Variants in TEC observed in about 807,000 individuals in gnomAD.
TEC encodes the protein tec protein tyrosine kinase, also known as tyrosine-protein kinase Tec.
In TEC, 72 loss-of-function variants were observed where a neutral mutation model predicts 93.0. That is an observed-to-expected ratio of 0.77 (90% CI 0.64 to 0.94). The LOEUF (loss-of-function observed/expected upper bound fraction) is 0.94. Ranked by LOEUF, TEC falls within the 40% of genes least tolerant of loss-of-function variation. The probability of loss-of-function intolerance (pLI) is 0.00; values close to 1 mark genes in which losing one functional copy is unlikely to be tolerated. For synonymous variants in TEC, 249 were observed against 247.7 expected (o/e 1.01, Z -0.05); for missense variants, 630 against 757.9 (o/e 0.83, Z 1.98).
In TEC at chr4:48,145,409, T is replaced by C; in HGVS notation, c.1252A>G (p.Met418Val). Residue 418 changes from methionine to valine, a missense_variant and splice_region_variant, in exon 13 of 18, where the codon ATG becomes GTG. Met to Val is a conservative substitution (Grantham distance 21). This residue lies in a region of TEC where 289 missense variants were observed against 390.0 expected (regional missense o/e 0.74). Transcript: ENST00000381501. ...GCCAGAAAGATGATAGCAACTTACA[T>C]CATCACTTTAGCTTCTTCTATAAAG... ...EDFIEEAKVMMKLTHPKLVQL... is the reference protein window; with the variant it reads ...EDFIEEAKVMVKLTHPKLVQL... 6.2e-7 allele frequency: 1 copy of C among 1,614,100 alleles called. No homozygotes were observed. The highest frequency in any genetic ancestry group is 8.5e-7 in the Non-Finnish European group (1 of 1,180,002).
intron 1 of TEC, among the ~76,000 whole-genome samples, chr4:48,234,783 G>C (rs555878988): frequency 2.6e-5 from 4 of 152,234 alleles, no homozygotes; most frequent in Admixed American, 2.6e-4. Flanking sequence ...CTTTATGAAA[G>C]AGAGCTATTT....
chr4:48,168,005 C>T (rs752566837), intron 6 of TEC, 52 bp from the exon 7 acceptor site: 1 of 1,552,410 alleles, frequency 6.4e-7, no homozygotes, highest in Non-Finnish European at 8.9e-7. Context: ...TGAAACTGAT[C>T]ATGAATCAAA....
intron 10 of TEC, among the ~76,000 whole-genome samples, chr4:48,150,058 C>G (rs1488205408): frequency 6.6e-6 from 1 of 152,142 alleles, no homozygotes; most frequent in African/African-American, 2.4e-5. Flanking sequence ...ATAAATTAGA[C>G]TTTTAAATAT....
chr4:48,256,636 A>G (rs1364342226), intron 1 of TEC, among the ~76,000 whole-genome samples: 1 of 150,320 alleles, frequency 6.7e-6, no homozygotes, highest in African/African-American at 2.4e-5. Context: ...TGCATAAATT[A>G]GGAAAAAGTG....
At chr4:48,235,316 A>T (rs1171769636) in intron 1 of TEC, among the ~76,000 whole-genome samples, 11 of 152,278 alleles carry the variant, frequency 7.2e-5, no homozygotes, top group South Asian at 6.2e-4. Context: ...CTAGTACAGG[A>T]GCTCAGTCCA....
intron 1 of TEC, among the ~76,000 whole-genome samples, chr4:48,255,710 C>T (rs1010855128): frequency 2.0e-5 from 3 of 152,162 alleles, no homozygotes; most frequent in Non-Finnish European, 4.4e-5. Flanking sequence ...AAAATAGTAC[C>T]TACCTCCTAT....
chr4:48,223,215 A>G (rs1723323638), intron 2 of TEC, among the ~76,000 whole-genome samples: 1 of 152,256 alleles, frequency 6.6e-6, no homozygotes, highest in Admixed American at 6.5e-5. Context: ...TGGTAGATCC[A>G]GGACAAAAAC....
At chr4:48,215,511 A>C (rs1296887132) in intron 2 of TEC, among the ~76,000 whole-genome samples, 2 of 152,206 alleles carry the variant, frequency 1.3e-5, no homozygotes. Flanking sequence ...TGTCTCAAAA[A>C]AATAATTAAT....
chr4:48,240,017 G>A (rs1723883968), intron 1 of TEC, among the ~76,000 whole-genome samples: 1 of 150,292 alleles, frequency 6.7e-6, no homozygotes, highest in Non-Finnish European at 1.5e-5. Context: ...ATGGTATGGT[G>A]ATTATATTTT....
chr4:48,185,535 A>T (rs1721786449), intron 2 of TEC, among the ~76,000 whole-genome samples: 6 of 152,178 alleles, frequency 3.9e-5, no homozygotes, highest in Admixed American at 3.3e-4. Context: ...ATTACTTGGT[A>T]TCTCATTATT....
At chr4:48,187,108 A>T (rs1250313602) in intron 2 of TEC, among the ~76,000 whole-genome samples, 1 of 152,230 alleles carries the variant, frequency 6.6e-6, no homozygotes, top group Admixed American at 6.5e-5. Context: ...CTGCCTTGGG[A>T]TGCTGTTAAT....
At chr4:48,203,936 A>G (rs1343080555) in intron 2 of TEC, among the ~76,000 whole-genome samples, 6 of 152,232 alleles carry the variant, frequency 3.9e-5, no homozygotes, top group African/African-American at 1.4e-4. Flanking sequence ...GCAAGGAGCC[A>G]TTATTAGAAA....
chr4:48,239,309 G>A (rs1274832718), intron 1 of TEC, among the ~76,000 whole-genome samples: 1 of 152,006 alleles, frequency 6.6e-6, no homozygotes, highest in Non-Finnish European at 1.5e-5. Context: ...TTTCACTTTA[G>A]TTTTCAGGAT....
intron 2 of TEC, among the ~76,000 whole-genome samples, chr4:48,188,206 C>T (rs142190236): frequency 2.2e-4 from 34 of 152,228 alleles, no homozygotes; most frequent in African/African-American, 7.7e-4. Flanking sequence ...GGTCTGGGTC[C>T]CTGAAACACC....
chr4:48,187,580 CCCT>C (rs1721933678), intron 2 of TEC, among the ~76,000 whole-genome samples: 1 of 152,126 alleles, frequency 6.6e-6, no homozygotes, highest in Non-Finnish European at 1.5e-5. Flanking sequence ...TGTTTTCTCC[CCCT>C]AAGTGATCTT....
intron 2 of TEC, among the ~76,000 whole-genome samples, chr4:48,178,677 A>T (rs1203680170): frequency 6.6e-6 from 1 of 152,184 alleles, no homozygotes. Flanking sequence ...AGGGGTTCTA[A>T]GCAGCCTTTC....
intron 1 of TEC, among the ~76,000 whole-genome samples, chr4:48,255,450 G>A (rs1724317626): frequency 6.6e-6 from 1 of 152,162 alleles, no homozygotes; most frequent in African/African-American, 2.4e-5. Context: ...TCATCCCTGG[G>A]TAGTGTCAAC....
chr4:48,135,943 C>CA lies in TEC; in HGVS notation c.*1472dup, dbSNP rs1366009777. 6.6e-6 allele frequency: 1 copy of CA among 151,740 alleles called. No homozygotes were observed. The highest frequency in any genetic ancestry group is 1.5e-5 in the Non-Finnish European group (1 of 68,094). The allele number at this position is 151,740 out of a possible 1,614,324, so 9.4% of individuals were successfully genotyped here. On this transcript the variant is annotated 3_prime_UTR_variant, in exon 18 of 18. Coordinates refer to ENST00000381501, the MANE Select transcript of TEC (RefSeq NM_003215.3). ...GTCAGAGTGAAGGCGCTGCCCAGAG[C>CA]AGCCAGCCTGTGTGTTCACCCAATG...
intron 1 of TEC, among the ~76,000 whole-genome samples, chr4:48,230,411 G>A (rs920556941): frequency 6.6e-6 from 1 of 152,046 alleles, no homozygotes; most frequent in Non-Finnish European, 1.5e-5. Flanking sequence ...ATGAGATATG[G>A]GCAAGAACTG....
Sources: gnomAD v4.1 joint callset for allele counts (sites outside exome capture counted in the v4.1 genomes callset) on GRCh38, gnomAD v4.1.1 for gene constraint, gnomAD v4.1.1 regional missense constraint, MANE v1.5 for transcripts, NCBI Gene and HGNC (gene_info 2026-07-23, HGNC 2026-07-21) for gene names.